The following RPS6KC1 variants were observed in gnomAD, a reference collection of about 807,000 sequenced individuals.
RPS6KC1 encodes the protein ribosomal protein S6 kinase C1, also known as inactive ribosomal protein S6 kinase delta-1.
RPS6KC1 carries 54 observed loss-of-function variants against 103.8 expected under a neutral mutation model. That is an observed-to-expected ratio of 0.52 (90% CI 0.42 to 0.65). The LOEUF (loss-of-function observed/expected upper bound fraction) is 0.65, where lower values mean the gene tolerates loss of function less well. RPS6KC1 is among the 30% of genes least tolerant of loss of function. RPS6KC1 has a pLI of 0.00. For missense variants in RPS6KC1, 1,151 were observed against 1,253.8 expected, an observed-to-expected ratio of 0.92 and a Z score of 1.24; for synonymous variants, 439 against 438.7, an observed-to-expected ratio of 1.00 and a Z score of -0.01.
At chr1:213,491,515 T>C in the RPS6KC1 span, among the ~76,000 whole-genome samples, 2 of 152,090 alleles carry the variant, frequency 1.3e-5, no homozygotes, top group African/African-American at 4.8e-5. Flanking sequence ...ACCATTGCAC[T>C]CCATCCTGGG....
intron 8 of RPS6KC1, among the ~76,000 whole-genome samples, chr1:213,208,967 C>T (rs774571526): frequency 4.6e-5 from 7 of 151,952 alleles, no homozygotes; most frequent in African/African-American, 7.3e-5. Flanking sequence ...AAAGTTTGAA[C>T]TTCAAGCTAA....
At chr1:213,342,354 G>C in the RPS6KC1 span, among the ~76,000 whole-genome samples, 1 of 152,124 alleles carries the variant, frequency 6.6e-6, no homozygotes, top group South Asian at 2.1e-4. Context: ...TTATTGACCA[G>C]ATTTATATAT....
At chr1:213,529,514 A>G in the RPS6KC1 span, among the ~76,000 whole-genome samples, 4 of 152,228 alleles carry the variant, frequency 2.6e-5, no homozygotes, top group African/African-American at 9.6e-5. Flanking sequence ...AGTCATACAC[A>G]TACACACAGA....
intron 2 of RPS6KC1, among the ~76,000 whole-genome samples, chr1:213,076,733 A>G (rs2079378002): frequency 6.6e-6 from 1 of 152,174 alleles, no homozygotes; most frequent in Non-Finnish European, 1.5e-5. Context: ...TTAAAAATAT[A>G]CTAATTTTAA....
chr1:213,102,608 C>A (rs528150311), intron 3 of RPS6KC1, among the ~76,000 whole-genome samples: 3 of 151,938 alleles, frequency 2.0e-5, no homozygotes, highest in African/African-American at 7.3e-5. Context: ...CTGTCATGTA[C>A]CCATTTGAAT....
the RPS6KC1 span, among the ~76,000 whole-genome samples, chr1:213,335,826 T>C: frequency 3.3e-4 from 50 of 152,252 alleles, no homozygotes; most frequent in South Asian, 6.2e-4. Context: ...TTCTCAAGAA[T>C]ATTGCATTCT....
the RPS6KC1 span, chr1:213,820,996 T>A: frequency 6.6e-6 from 1 of 152,148 alleles, no homozygotes; most frequent in South Asian, 2.1e-4. Context: ...ATCCAGGCCG[T>A]AACTTTCCTC....
At position 213,061,413 on chromosome 1, in the gene RPS6KC1, G is replaced by A. The variant is rs540668037; in HGVS notation, c.106-9593G>A. On this transcript the variant is annotated intron_variant, in intron 1 of 14. Transcript: ENST00000366960. ...CCTCTTGGGTCCAGACTGCCTGGCT[G>A]GTGGGTGATAACCAGCCCAAATATT... Among the ~76,000 whole-genome samples the A allele has an allele frequency of 4.3e-4, 66 of 152,290 alleles. 2 individuals carry two copies. In the Middle Eastern group the frequency reaches 0.02, roughly 47 times the overall value.
At chr1:213,595,413 A>G in the RPS6KC1 span, among the ~76,000 whole-genome samples, 1 of 152,186 alleles carries the variant, frequency 6.6e-6, no homozygotes, top group Non-Finnish European at 1.5e-5. Flanking sequence ...CCAGAGCATC[A>G]GGGCAGAGGA....
At chr1:213,546,761 A>C in the RPS6KC1 span, among the ~76,000 whole-genome samples, 494 of 152,246 alleles carry the variant, frequency 3.2e-3, 4 homozygotes, top group African/African-American at 0.011. Flanking sequence ...ACCAACCCTC[A>C]CACCATTTCC....
chr1:213,436,313 A>G, the RPS6KC1 span, among the ~76,000 whole-genome samples: 2 of 152,364 alleles, frequency 1.3e-5, no homozygotes, highest in Middle Eastern at 6.8e-3. Context: ...ACAGCATTGT[A>G]CTGTATAAAT....
At chr1:213,309,331 A>C in the RPS6KC1 span, among the ~76,000 whole-genome samples, 5 of 152,082 alleles carry the variant, frequency 3.3e-5, no homozygotes, top group African/African-American at 1.2e-4. Context: ...AACAACAACA[A>C]AACTGAAGAA....
the RPS6KC1 span, among the ~76,000 whole-genome samples, chr1:213,314,923 C>T: frequency 2.0e-5 from 3 of 152,238 alleles, no homozygotes; most frequent in East Asian, 5.8e-4. Context: ...AGCCTCCTCT[C>T]CTGACCCTGT....
chr1:213,383,254 A>T, the RPS6KC1 span, among the ~76,000 whole-genome samples: 2 of 152,206 alleles, frequency 1.3e-5, no homozygotes, highest in Admixed American at 1.3e-4. Flanking sequence ...TATTTTCAAA[A>T]TTAAAACAGG....
At chr1:213,573,782 A>G in the RPS6KC1 span, among the ~76,000 whole-genome samples, 4 of 152,318 alleles carry the variant, frequency 2.6e-5, no homozygotes, top group Non-Finnish European at 5.9e-5. Context: ...GTTCCTGGAA[A>G]TGAAAGCGTC....
intron 14 of RPS6KC1, among the ~76,000 whole-genome samples, chr1:213,271,707 T>C (rs2095051234): frequency 7.3e-6 from 1 of 136,922 alleles, no homozygotes; most frequent in Non-Finnish European, 1.5e-5. Flanking sequence ...GAGCTTGCAG[T>C]GAGTCGAGAT....
intron 6 of RPS6KC1, among the ~76,000 whole-genome samples, chr1:213,141,579 C>A (rs182650660): frequency 1.3e-4 from 19 of 151,842 alleles, no homozygotes; most frequent in Admixed American, 1.1e-3. Context: ...TTTCAAAGAA[C>A]CAACTTAAAA....
At chr1:213,484,273 C>T in the RPS6KC1 span, among the ~76,000 whole-genome samples, 4 of 152,184 alleles carry the variant, frequency 2.6e-5, no homozygotes, top group Non-Finnish European at 5.9e-5. Context: ...GGTCAGGAAT[C>T]CAGGTGCTGC....
the RPS6KC1 span, among the ~76,000 whole-genome samples, chr1:213,338,677 T>C: frequency 6.6e-6 from 1 of 152,136 alleles, no homozygotes; most frequent in East Asian, 1.9e-4. Context: ...ATTTTCTCAG[T>C]CCTTGAATCT....
Sources: gnomAD v4.1 joint callset for allele counts (sites outside exome capture counted in the v4.1 genomes callset) on GRCh38, gnomAD v4.1.1 for gene constraint, MANE v1.5 for transcripts, NCBI Gene and HGNC (gene_info 2026-07-23, HGNC 2026-07-21) for gene names.